Variants in TOPBP1 observed in about 807,000 individuals in gnomAD.
TOPBP1 encodes the protein DNA topoisomerase 2-binding protein 1.
A neutral mutation model predicts 167.7 loss-of-function variants in TOPBP1; 28 were observed. The ratio of observed to expected loss-of-function variants is 0.17; its 90% confidence interval spans 0.12 to 0.23. The LOEUF is 0.23. Ranked by LOEUF, TOPBP1 falls within the 10% of genes least tolerant of loss-of-function variation. TOPBP1 has a pLI of 1.00. For missense variants in TOPBP1, 1,554 were observed against 1,809.6 expected, an observed-to-expected ratio of 0.86 and a Z score of 2.56; for synonymous variants, 598 against 611.4, an observed-to-expected ratio of 0.98 and a Z score of 0.32.
rs4557154 is a variant in TOPBP1, at chr3:133,624,032, G to A, written c.2928+20C>T. On this transcript the variant is annotated intron_variant, in intron 17 of 27. Transcript: ENST00000260810. ...ACATTTTCAATTAACAGAGATGGGGGGGAAAAAAGCACTGCTTACATCTAA... is the reference window on the plus strand; with the variant it reads ...ACATTTTCAATTAACAGAGATGGGGAGGAAAAAAGCACTGCTTACATCTAA... 5.5e-3 allele frequency: 8,867 copies of A among 1,603,548 alleles called. 443 individuals are homozygous for A. In the African/African-American group the frequency reaches 0.1, roughly 18 times the overall value.
chr3:133,631,416 G>A (rs1312118987), intron 14 of TOPBP1, among the ~76,000 whole-genome samples: 4 of 152,114 alleles, frequency 2.6e-5, no homozygotes, highest in East Asian at 1.9e-4. Flanking sequence ...TTTAATAAAC[G>A]GTAGGGCTAC....
chr3:133,612,238 C>T, intron 24 of TOPBP1, 151 bp downstream of exon 24: 2 of 752,988 alleles, frequency 2.7e-6, no homozygotes, highest in East Asian at 2.9e-5. Context: ...GAGGGTTTCA[C>T]CATGTTGGCC....
chr3:133,655,848 C>G (rs999732872), intron 5 of TOPBP1, among the ~76,000 whole-genome samples: 25 of 152,070 alleles, frequency 1.6e-4, no homozygotes, highest in Non-Finnish European at 3.2e-4. Flanking sequence ...TTAATCTTTC[C>G]ATTATTCTAT....
At chr3:133,622,964 G>A (rs1389095122) in intron 19 of TOPBP1, 127 bp downstream of exon 19, 4 of 557,576 alleles carry the variant, frequency 7.2e-6, no homozygotes, top group Admixed American at 3.5e-5. Flanking sequence ...GGCTCACAAG[G>A]CAGGAGGATC....
At chr3:133,641,766 T>C (rs2107812009) in intron 12 of TOPBP1, among the ~76,000 whole-genome samples, 1 of 152,372 alleles carries the variant, frequency 6.6e-6, no homozygotes, top group African/African-American at 2.4e-5. Context: ...TCTGTCATCA[T>C]GTATGTTATT....
At chr3:133,641,093 T>C (rs1338991038) in intron 12 of TOPBP1, among the ~76,000 whole-genome samples, 2 of 152,172 alleles carry the variant, frequency 1.3e-5, no homozygotes, top group African/African-American at 2.4e-5. Flanking sequence ...TTTTTTTCTA[T>C]GTTTTGTGTT....
chr3:133,628,308 T>C, intron 16 of TOPBP1, 54 bp downstream of exon 16: 1 of 1,473,490 alleles, frequency 6.8e-7, no homozygotes, highest in East Asian at 2.4e-5. Flanking sequence ...TAGCTTTAGG[T>C]TTCCTTATAA....
In TOPBP1 at chr3:133,649,832, C is replaced by T. The variant is rs922560391; in HGVS notation, c.1201G>A (p.Val401Met). The change falls in exon 9 of 28, where the codon GTG (valine) becomes ATG (methionine). Residue 401 changes from valine to methionine, a missense_variant. Coordinates refer to ENST00000260810, the MANE Select transcript of TOPBP1 (RefSeq NM_007027.4). ...TTCAATTCATCATCATAATCTCCCA[C>T]AATAACATGAGTTACATCTTCATTT... ...QLNEDVTHVI[V>M]GDYDDELKQF... 5.0e-6 allele frequency: 8 copies of T among 1,612,756 alleles called. No homozygotes were observed. Among genetic ancestry groups the T allele is most frequent in the Admixed American group, 1.7e-5 (1 of 59,754 alleles).
At chr3:133,641,605 C>A (rs114680741) in intron 12 of TOPBP1, among the ~76,000 whole-genome samples, 24 of 152,152 alleles carry the variant, frequency 1.6e-4, no homozygotes, top group African/African-American at 5.8e-4. Flanking sequence ...CCTCCTGCCA[C>A]GGCCTCTCAA....
intron 13 of TOPBP1, among the ~76,000 whole-genome samples, chr3:133,639,504 G>A (rs769499004): frequency 6.6e-6 from 1 of 152,016 alleles, no homozygotes; most frequent in African/African-American, 2.4e-5. Flanking sequence ...TGTAAATGAC[G>A]AATTAATGGG....
intron 8 of TOPBP1, among the ~76,000 whole-genome samples, chr3:133,650,374 G>A (rs1360336608): frequency 1.0e-5 from 1 of 99,836 alleles, no homozygotes; most frequent in Non-Finnish European, 1.9e-5. Flanking sequence ...TGGGGGGCGG[G>A]GGGAGGGGTT....
intron 5 of TOPBP1, among the ~76,000 whole-genome samples, chr3:133,656,272 C>T (rs1936476758): frequency 6.6e-6 from 1 of 151,978 alleles, no homozygotes; most frequent in Non-Finnish European, 1.5e-5. Flanking sequence ...TTATATTCAA[C>T]CTTACATATG....
At chr3:133,631,321 C>T (rs1292507791) in intron 14 of TOPBP1, among the ~76,000 whole-genome samples, 1 of 152,190 alleles carries the variant, frequency 6.6e-6, no homozygotes, top group Non-Finnish European at 1.5e-5. Context: ...ATAAATTCCC[C>T]TATTTGTGGA....
At chr3:133,601,432 C>T in intron 27 of TOPBP1, 39 bp from the exon 28 acceptor site, 1 of 1,378,192 alleles carries the variant, frequency 7.3e-7, no homozygotes, top group Non-Finnish European at 9.6e-7. Context: ...AAAATGATTT[C>T]AAACATTTAC....
intron 10 of TOPBP1, 50 bp downstream of exon 10, chr3:133,649,333 C>T (rs1483250108): frequency 3.2e-6 from 5 of 1,573,932 alleles, no homozygotes; most frequent in Non-Finnish European, 4.3e-6. Context: ...ACGTATTAGG[C>T]TACTAAAATA....
chr3:133,630,780 C>T (rs1038846584), intron 14 of TOPBP1, among the ~76,000 whole-genome samples: 12 of 152,194 alleles, frequency 7.9e-5, no homozygotes, highest in South Asian at 6.2e-4. Flanking sequence ...CAAATTCATA[C>T]GAATCTTCTA....
chr3:133,631,483 T>C (rs1183178008), intron 14 of TOPBP1, among the ~76,000 whole-genome samples: 2 of 152,184 alleles, frequency 1.3e-5, no homozygotes. Flanking sequence ...TGCTTGCATT[T>C]TTTTCTAGGA....
At chr3:133,643,873 T>C in intron 11 of TOPBP1, 147 bp downstream of exon 11, 1 of 795,300 alleles carries the variant, frequency 1.3e-6, no homozygotes, top group South Asian at 2.1e-5. Flanking sequence ...CATTTAATTT[T>C]GAATTTCCCT....
intron 23 of TOPBP1, 35 bp from the exon 24 acceptor site, chr3:133,612,587 T>C (rs1576680141): frequency 6.5e-7 from 1 of 1,544,288 alleles, no homozygotes; most frequent in Non-Finnish European, 8.8e-7. Context: ...ACTTTATTGA[T>C]TCCCAACTTC....
Sources: allele counts gnomAD v4.1 joint callset (sites outside exome capture counted in the v4.1 genomes callset), GRCh38; gene constraint gnomAD v4.1.1; transcripts MANE v1.5; gene names NCBI Gene and HGNC (gene_info 2026-07-23, HGNC 2026-07-21).